The following GPR89B variants were observed in gnomAD, a reference collection of about 807,000 sequenced individuals.
GPR89B encodes the protein golgi pH regulator B, also known as G protein-coupled receptor 89B.
In GPR89B, 25 loss-of-function variants were observed where a neutral mutation model predicts 52.4. The observed-to-expected ratio is 0.48, with a 90% confidence interval of 0.35 to 0.67. The LOEUF is 0.67. Among genes scored for constraint, GPR89B ranks in the 30% least tolerant of loss-of-function variants. The pLI is 0.01. For synonymous variants in GPR89B, 52 were observed against 151.2 expected (o/e 0.34, Z 4.81); for missense variants, 146 against 450.2 (o/e 0.32, Z 6.11).
intron 3 of GPR89B, among the ~76,000 whole-genome samples, chr1:147,940,714 T>C (rs1244704973): frequency 6.6e-6 from 1 of 152,152 alleles, no homozygotes; most frequent in Non-Finnish European, 1.5e-5. Flanking sequence ...TCCAATAAAC[T>C]TAATTTGTAA....
the GPR89B span, among the ~76,000 whole-genome samples, chr1:148,000,173 T>C: frequency 2.8e-4 from 42 of 151,900 alleles, no homozygotes; most frequent in African/African-American, 9.7e-4. Flanking sequence ...TTTCATTCTT[T>C]CTATCCTAAC....
intron 8 of GPR89B, chr1:147,968,580 A>C: frequency 2.0e-6 from 1 of 492,202 alleles, no homozygotes. Context: ...CATTTGACTT[A>C]ATCTAACTAG....
At chr1:148,009,506 C>T in the GPR89B span, 1 of 1,592,708 alleles carries the variant, frequency 6.3e-7, no homozygotes, top group South Asian at 1.1e-5. Context: ...TCAAGTCCAC[C>T]CGTGTTTTCA....
intron 12 of GPR89B, among the ~76,000 whole-genome samples, chr1:147,988,834 G>T (rs1275074348): frequency 6.6e-6 from 1 of 151,246 alleles, no homozygotes; most frequent in East Asian, 1.9e-4. Context: ...CTGCACTCCA[G>T]CCTGGTGAAA....
chr1:148,020,837 G>T, the GPR89B span, among the ~76,000 whole-genome samples: 1 of 151,786 alleles, frequency 6.6e-6, no homozygotes, highest in Non-Finnish European at 1.5e-5. Context: ...ACAGGCACGT[G>T]TCACCATTTC....
chr1:147,933,847 C>T (rs4950503), intron 1 of GPR89B, among the ~76,000 whole-genome samples: 3 of 152,326 alleles, frequency 2.0e-5, no homozygotes, highest in South Asian at 2.1e-4. Context: ...GTGTCTTCCA[C>T]ACAGCCACCA....
the GPR89B span, among the ~76,000 whole-genome samples, chr1:148,013,853 C>T: frequency 4.2e-4 from 64 of 152,116 alleles, no homozygotes; most frequent in Admixed American, 1.5e-3. Context: ...GTCCCAAGGA[C>T]GGCTGGGGAG....
intron 5 of GPR89B, among the ~76,000 whole-genome samples, chr1:147,950,636 G>T (rs1352958927): frequency 1.3e-5 from 2 of 152,184 alleles, no homozygotes; most frequent in Non-Finnish European, 2.9e-5. Flanking sequence ...ACTCCAGCCT[G>T]GGCACCATTG....
chr1:148,009,517 C>A, the GPR89B span: 1 of 1,585,856 alleles, frequency 6.3e-7, no homozygotes, highest in African/African-American at 1.3e-5. Context: ...CGTGTTTTCA[C>A]TGCTTTCTCA....
chr1:148,020,608 A>G, the GPR89B span, among the ~76,000 whole-genome samples: 2 of 151,604 alleles, frequency 1.3e-5, no homozygotes, highest in African/African-American at 4.9e-5. Context: ...ATAAAGAAAA[A>G]AAAGGAGGGG....
the GPR89B span, chr1:148,001,613 T>TA: frequency 1.7e-4 from 198 of 1,134,440 alleles, 5 homozygotes; most frequent in South Asian, 1.1e-3. Flanking sequence ...ATGAAATAGA[T>TA]AAAAAAGGCA....
chr1:147,950,445 C>G (rs1320649627), intron 5 of GPR89B, among the ~76,000 whole-genome samples: 1 of 151,120 alleles, frequency 6.6e-6, no homozygotes, highest in Non-Finnish European at 1.5e-5. Context: ...TCCTCACTTT[C>G]CAGACTGGGT....
intron 7 of GPR89B, among the ~76,000 whole-genome samples, chr1:147,958,638 C>CAA (rs587655520): frequency 8.2e-5 from 9 of 109,696 alleles, no homozygotes; most frequent in Admixed American, 9.7e-5. Flanking sequence ...GACTCTGTCT[C>CAA]AAAAAAAAAA....
chr1:147,930,547 G>T (rs1488760769), intron 1 of GPR89B, among the ~76,000 whole-genome samples: 1 of 151,962 alleles, frequency 6.6e-6, no homozygotes, highest in Non-Finnish European at 1.5e-5. Context: ...GTGAATATTT[G>T]TTTAATAAAA....
chr1:148,005,918 T>G, the GPR89B span, among the ~76,000 whole-genome samples: 1 of 152,044 alleles, frequency 6.6e-6, no homozygotes, highest in African/African-American at 2.4e-5. Flanking sequence ...GTTTCTCAGC[T>G]CCTTTGGCCT....
chr1:147,951,669 A>G (rs1248997816), intron 5 of GPR89B, among the ~76,000 whole-genome samples: 2 of 152,054 alleles, frequency 1.3e-5, no homozygotes, highest in Non-Finnish European at 2.9e-5. Context: ...GGGATTGAAT[A>G]CAATCAAAAG....
chr1:148,000,195 A>G, the GPR89B span, among the ~76,000 whole-genome samples: 1 of 151,498 alleles, frequency 6.6e-6, no homozygotes, highest in Non-Finnish European at 1.5e-5. Context: ...AAATATTTTG[A>G]GTATTAATTA....
the GPR89B span, among the ~76,000 whole-genome samples, chr1:148,002,325 T>G: frequency 2.0e-5 from 3 of 150,962 alleles, no homozygotes; most frequent in Non-Finnish European, 4.4e-5. Flanking sequence ...ATCCCACTTC[T>G]TCTACCCTGA....
chr1:148,019,602 A>G, the GPR89B span, among the ~76,000 whole-genome samples: 1 of 152,090 alleles, frequency 6.6e-6, no homozygotes, highest in Non-Finnish European at 1.5e-5. Flanking sequence ...GAAATAAAAA[A>G]TGTAAAAAGG....
Sources: allele counts gnomAD v4.1 joint callset (sites outside exome capture counted in the v4.1 genomes callset), GRCh38; gene constraint gnomAD v4.1.1; transcripts MANE v1.5; gene names NCBI Gene and HGNC (gene_info 2026-07-23, HGNC 2026-07-21).